LRRTM4: variants seen among roughly 807,000 people sequenced by gnomAD.
LRRTM4 encodes leucine rich repeat transmembrane neuronal 4.
In LRRTM4, 25 loss-of-function variants were observed where a neutral mutation model predicts 47.6. The observed-to-expected ratio is 0.53, with a 90% CI of 0.38 to 0.73. LRRTM4 has a LOEUF of 0.73. Ranked by LOEUF, LRRTM4 falls within the 30% of genes least tolerant of loss-of-function variation. LRRTM4 has a pLI of 0.00. For missense variants in LRRTM4, 638 were observed against 713.4 expected, an observed-to-expected ratio of 0.89 and a Z score of 1.20; for synonymous variants, 311 against 269.5, an observed-to-expected ratio of 1.15 and a Z score of -1.51.
chr2:76,948,085 G>A (rs1381943078), intron 3 of LRRTM4, among the ~76,000 whole-genome samples: 1 of 151,826 alleles, frequency 6.6e-6, no homozygotes, highest in Non-Finnish European at 1.5e-5. Flanking sequence ...TCAAGAGAGA[G>A]ATTCCCAAAT....
intron 3 of LRRTM4, among the ~76,000 whole-genome samples, chr2:76,867,874 T>C (rs894524942): frequency 6.6e-6 from 1 of 152,162 alleles, no homozygotes; most frequent in Non-Finnish European, 1.5e-5. Context: ...TCATTTTAGT[T>C]AGGAAAAGAA....
intron 3 of LRRTM4, among the ~76,000 whole-genome samples, chr2:77,336,289 C>CAAGG (rs1181976731): frequency 2.8e-5 from 4 of 141,042 alleles, no homozygotes; most frequent in Non-Finnish European, 6.2e-5. Context: ...AGAAAGGAAA[C>CAAGG]AAGGAAGGAA....
At chr2:77,091,457 C>A (rs1670638630) in intron 3 of LRRTM4, among the ~76,000 whole-genome samples, 1 of 150,164 alleles carries the variant, frequency 6.7e-6, no homozygotes, top group Non-Finnish European at 1.5e-5. Flanking sequence ...ACTTACAATT[C>A]CCCCATTTTA....
chr2:77,038,644 TAAC>T (rs1448825896), intron 3 of LRRTM4, among the ~76,000 whole-genome samples: 1 of 151,508 alleles, frequency 6.6e-6, no homozygotes, highest in African/African-American at 2.4e-5. Flanking sequence ...ACAACTAGCA[TAAC>T]AACTTCTTGT....
chr2:76,871,412 A>T (rs907602044), intron 3 of LRRTM4, among the ~76,000 whole-genome samples: 1 of 152,182 alleles, frequency 6.6e-6, no homozygotes, highest in Non-Finnish European at 1.5e-5. Context: ...CCTGCATTCA[A>T]CTAGTAACTA....
chr2:77,513,344 A>T (rs1558777808), intron 3 of LRRTM4, among the ~76,000 whole-genome samples: 1 of 152,108 alleles, frequency 6.6e-6, no homozygotes, highest in Non-Finnish European at 1.5e-5. Flanking sequence ...GAATGACCAT[A>T]GAGACTTTAC....
intron 3 of LRRTM4, among the ~76,000 whole-genome samples, chr2:77,356,158 G>A (rs1294856869): frequency 6.6e-6 from 1 of 152,072 alleles, no homozygotes. Flanking sequence ...TTTTAAATGA[G>A]ATAATAGATT....
intron 3 of LRRTM4, among the ~76,000 whole-genome samples, chr2:76,786,848 G>T (rs1244602448): frequency 7.0e-6 from 1 of 143,062 alleles, no homozygotes; most frequent in South Asian, 2.2e-4. Context: ...TGCTTTCCTT[G>T]CTGTTTCTTT....
chr2:76,781,672 T>A (rs79680688), intron 3 of LRRTM4, among the ~76,000 whole-genome samples: 2 of 141,434 alleles, frequency 1.4e-5, no homozygotes, highest in Non-Finnish European at 1.6e-5. Context: ...CCAATGAGAT[T>A]AACCCGGTAC....
At chr2:77,484,225 C>T (rs930428616) in intron 3 of LRRTM4, among the ~76,000 whole-genome samples, 2 of 152,190 alleles carry the variant, frequency 1.3e-5, no homozygotes, top group Non-Finnish European at 2.9e-5. Flanking sequence ...GGTAACTAAG[C>T]ACTTGAGCTA....
At chr2:77,194,404 G>A (rs1673758334) in intron 3 of LRRTM4, among the ~76,000 whole-genome samples, 1 of 152,066 alleles carries the variant, frequency 6.6e-6, no homozygotes, top group African/African-American at 2.4e-5. Context: ...TTTAATATGG[G>A]AATTATGAAC....
intron 3 of LRRTM4, among the ~76,000 whole-genome samples, chr2:76,756,503 C>A (rs1673034416): frequency 6.6e-6 from 1 of 152,108 alleles, no homozygotes; most frequent in Non-Finnish European, 1.5e-5. Flanking sequence ...CCTCTTTGAA[C>A]AATTTAAAAG....
chr2:76,790,373 A>G (rs988577426), intron 3 of LRRTM4, among the ~76,000 whole-genome samples: 1 of 152,032 alleles, frequency 6.6e-6, no homozygotes, highest in African/African-American at 2.4e-5. Context: ...CTAAATTTTC[A>G]GTTGGAAAGA....
chr2:77,362,117 G>GAAAGAAAGAAAGAAAGA (rs1369861857), intron 3 of LRRTM4, among the ~76,000 whole-genome samples: 1,647 of 97,318 alleles, frequency 0.017, 21 homozygotes, highest in South Asian at 0.03. Context: ...AAGAAAGAGA[G>GAAAGAAAGAAAGAAAGA]AAAGAAAGAA....
intron 3 of LRRTM4, among the ~76,000 whole-genome samples, chr2:77,049,157 T>TGTATATATATATATATAC (rs1679341135): frequency 1.9e-5 from 2 of 106,378 alleles, no homozygotes; most frequent in African/African-American, 1.0e-4. Flanking sequence ...TATATATATA[T>TGTATATATATATATATAC]ACACACACAC....
At chr2:76,891,660 G>A (rs772121111) in intron 3 of LRRTM4, among the ~76,000 whole-genome samples, 11 of 151,724 alleles carry the variant, frequency 7.3e-5, no homozygotes, top group Non-Finnish European at 1.2e-4. Context: ...TAGACGATTA[G>A]ACTTTCATGT....
intron 3 of LRRTM4, among the ~76,000 whole-genome samples, chr2:77,396,340 T>G (rs1673703384): frequency 6.6e-6 from 1 of 151,888 alleles, no homozygotes; most frequent in Non-Finnish European, 1.5e-5. Context: ...CTCAAGGCAT[T>G]CATCATTTCC....
intron 3 of LRRTM4, among the ~76,000 whole-genome samples, chr2:76,862,767 C>A (rs1306871778): frequency 6.6e-6 from 1 of 152,116 alleles, no homozygotes; most frequent in Non-Finnish European, 1.5e-5. Context: ...AATCTAAGAG[C>A]TGAAAATGAG....
intron 3 of LRRTM4, among the ~76,000 whole-genome samples, chr2:77,139,728 T>C (rs1014393864): frequency 6.6e-6 from 1 of 152,132 alleles, no homozygotes; most frequent in African/African-American, 2.4e-5. Context: ...GAAAACCCTA[T>C]CGTCTCAGCC....
Sources: gnomAD v4.1 joint callset for allele counts (sites outside exome capture counted in the v4.1 genomes callset) on GRCh38, gnomAD v4.1.1 for gene constraint, MANE v1.5 for transcripts, NCBI Gene and HGNC (gene_info 2026-07-23, HGNC 2026-07-21) for gene names.